Variants in CSMD3 observed in about 807,000 individuals in gnomAD.
CSMD3 encodes the protein CUB and sushi domain-containing protein 3.
In CSMD3, 177 loss-of-function variants were observed where a neutral mutation model predicts 435.2. The ratio of observed to expected loss-of-function variants is 0.41; its 90% CI spans 0.36 to 0.46. The LOEUF is 0.46. Ranked by LOEUF, CSMD3 falls within the 20% of genes least tolerant of loss-of-function variation. CSMD3 has a pLI of 0.34. For missense variants in CSMD3, 4,265 were observed against 4,504.6 expected, an observed-to-expected ratio of 0.95 and a Z score of 1.52; for synonymous variants, 1,656 against 1,520.5, an observed-to-expected ratio of 1.09 and a Z score of -2.07.
rs2131302189 is a variant in CSMD3 at position 112,573,628 on chromosome 8, A to G, written c.3915T>C (p.His1305=). The change falls in exon 24 of 71, where the codon CAT becomes CAC. Residue 1305 remains histidine, a synonymous_variant. Coordinates refer to ENST00000297405, the MANE Select transcript of CSMD3 (RefSeq NM_198123.2). The part of the protein sequence containing the change: ...KIYDGKDKTT[H]LLGAFTGASM... ...ATGCACCAGTAAAAGCACCTAGTAGATGAGTCGTTTTATCTTTTCCATCAT... is the reference window on the plus strand; with the variant it reads ...ATGCACCAGTAAAAGCACCTAGTAGGTGAGTCGTTTTATCTTTTCCATCAT... The G allele has an allele frequency of 6.2e-7, 1 of 1,612,770 alleles. No individual in the cohort carries two copies. Among genetic ancestry groups the G allele is most frequent in the African/African-American group, 1.3e-5 (1 of 75,006 alleles).
chr8:112,230,336 T>C (rs866929577), intron 69 of CSMD3, among the ~76,000 whole-genome samples: 4 of 152,366 alleles, frequency 2.6e-5, no homozygotes, highest in Admixed American at 2.0e-4. Context: ...TGGCATCTTA[T>C]TACTTTTCAT....
At chr8:113,189,921 T>G (rs2131975542) in intron 3 of CSMD3, among the ~76,000 whole-genome samples, 1 of 152,010 alleles carries the variant, frequency 6.6e-6, no homozygotes, top group East Asian at 1.9e-4. Flanking sequence ...AGAATTCATG[T>G]GCTTTAAAAA....
At chr8:112,948,752 GA>G (rs1186187327) in intron 8 of CSMD3, among the ~76,000 whole-genome samples, 2 of 151,304 alleles carry the variant, frequency 1.3e-5, no homozygotes, top group African/African-American at 2.4e-5. Context: ...ATTCCAGAGA[GA>G]AAAAAAATCT....
intron 3 of CSMD3, among the ~76,000 whole-genome samples, chr8:113,189,163 C>CT (rs2092550135): frequency 6.6e-6 from 1 of 151,486 alleles, no homozygotes. Context: ...TGTATTTTAC[C>CT]TTTTTAAGCA....
intron 1 of CSMD3, among the ~76,000 whole-genome samples, chr8:113,422,761 G>T (rs1334214442): frequency 6.6e-6 from 1 of 152,020 alleles, no homozygotes; most frequent in Non-Finnish European, 1.5e-5. Context: ...GAAAAAAAAT[G>T]TTTTTTGGCT....
At chr8:113,314,821 T>C (rs1796644005) in intron 1 of CSMD3, 28 bp from the exon 2 acceptor site, 1 of 1,312,492 alleles carries the variant, frequency 7.6e-7, no homozygotes, top group African/African-American at 1.5e-5. Flanking sequence ...AAACAGACAT[T>C]AATATTATAT....
At chr8:112,479,209 T>G (rs1379906484) in intron 31 of CSMD3, among the ~76,000 whole-genome samples, 1 of 152,128 alleles carries the variant, frequency 6.6e-6, no homozygotes, top group Non-Finnish European at 1.5e-5. Context: ...TTCAAAGTGT[T>G]GGAGAAGAAA....
At chr8:112,298,329 G>T (rs1188729365) in intron 53 of CSMD3, among the ~76,000 whole-genome samples, 1 of 152,002 alleles carries the variant, frequency 6.6e-6, no homozygotes, top group Non-Finnish European at 1.5e-5. Context: ...TTATTATGAA[G>T]TTTTTTCAAT....
intron 2 of CSMD3, among the ~76,000 whole-genome samples, chr8:113,295,378 T>C (rs547234567): frequency 5.4e-4 from 82 of 152,256 alleles, no homozygotes; most frequent in Non-Finnish European, 1.1e-3. Flanking sequence ...GCCACCACAA[T>C]TTACATATAA....
At chr8:112,887,157 T>C (rs2081624627) in intron 10 of CSMD3, among the ~76,000 whole-genome samples, 1 of 151,256 alleles carries the variant, frequency 6.6e-6, no homozygotes, top group Non-Finnish European at 1.5e-5. Context: ...TCACCTATCA[T>C]ATAGTAAGCA....
chr8:113,365,168 A>G (rs1390420272), intron 1 of CSMD3, among the ~76,000 whole-genome samples: 1 of 152,126 alleles, frequency 6.6e-6, no homozygotes, highest in Non-Finnish European at 1.5e-5. Context: ...ATTAGAGTGA[A>G]GGTAAGCAGA....
rs558945682 is a variant in CSMD3 at position 112,276,730 on chromosome 8, T to C, written c.9508+4444A>G. Among the ~76,000 whole-genome samples the C allele has an allele frequency of 1.6e-4, 25 of 152,298 alleles. No homozygotes were observed. The East Asian group carries it at 4.6e-3, about 28-fold the overall frequency. ...CCCACTCCTGCAGCAAACTTCTGCC[T>C]GGACGTACAGGCATGTCCATACATC... On this transcript the variant is annotated intron_variant, in intron 59 of 70. Transcript: ENST00000297405.
chr8:112,472,623 C>G lies in CSMD3; in HGVS notation c.5363G>C (p.Cys1788Ser). 6.2e-7 allele frequency: 1 copy of G among 1,605,170 alleles called. No homozygotes were observed. Among genetic ancestry groups the G allele is most frequent in the Non-Finnish European group, 8.5e-7 (1 of 1,172,166 alleles). Residue 1788 changes from cysteine to serine, a missense_variant, in exon 32 of 71, where the codon TGT becomes TCT. Around this residue, in one of 3 missense-constraint regions of CSMD3, gnomAD observed 3,255 missense variants for 3,380.2 expected, o/e 0.96. Transcript: ENST00000297405. ...CTTTGGAACTGCTATAGAATAAACA[C>G]AATTATGTCCCACACTGTAATTTTT... ...YPKNYSVGHN[C>S]VYSIAVPKEF...
At chr8:112,406,811 GA>G (rs1462593745) in intron 34 of CSMD3, 84 bp from the exon 35 acceptor site, 9 of 789,502 alleles carry the variant, frequency 1.1e-5, no homozygotes, top group Middle Eastern at 3.8e-4. Context: ...ACACATTTTT[GA>G]GAAATCATCA....
At chr8:112,965,504 C>T (rs1006596404) in intron 7 of CSMD3, among the ~76,000 whole-genome samples, 14 of 151,710 alleles carry the variant, frequency 9.2e-5, no homozygotes, top group Non-Finnish European at 1.9e-4. Context: ...CCTTAAAGAC[C>T]TACTCAAAGG....
chr8:113,102,205 T>A (rs1423932978), intron 4 of CSMD3, among the ~76,000 whole-genome samples: 1 of 152,138 alleles, frequency 6.6e-6, no homozygotes, highest in Non-Finnish European at 1.5e-5. Context: ...ATAAATGATG[T>A]CTACAGCATT....
At chr8:112,956,941 T>G (rs2084039911) in intron 7 of CSMD3, among the ~76,000 whole-genome samples, 1 of 152,142 alleles carries the variant, frequency 6.6e-6, no homozygotes, top group South Asian at 2.1e-4. Context: ...TATCCATTTT[T>G]GGACATGACA....
chr8:112,721,975 G>A (rs2131972197), intron 13 of CSMD3, among the ~76,000 whole-genome samples: 1 of 152,004 alleles, frequency 6.6e-6, no homozygotes, highest in South Asian at 2.1e-4. Flanking sequence ...TGACCTTCTT[G>A]TGTTTGAAAT....
At chr8:112,948,263 G>T (rs1163742996) in intron 8 of CSMD3, among the ~76,000 whole-genome samples, 1 of 151,808 alleles carries the variant, frequency 6.6e-6, no homozygotes, top group Non-Finnish European at 1.5e-5. Flanking sequence ...AGTTTTATTT[G>T]GATCCTTATT....
Sources: allele counts gnomAD v4.1 joint callset (sites outside exome capture counted in the v4.1 genomes callset), GRCh38; gene constraint gnomAD v4.1.1; regional missense constraint gnomAD v4.1.1; transcripts MANE v1.5; gene names NCBI Gene and HGNC (gene_info 2026-07-23, HGNC 2026-07-21).